The following MACF1 variants were observed in gnomAD, a reference collection of about 807,000 sequenced individuals.
MACF1 encodes the protein microtubule actin crosslinking factor 1.
Under a neutral mutation model 854.8 loss-of-function variants are expected in MACF1, and 193 were observed. The observed-to-expected ratio is 0.23, with a 90% CI of 0.20 to 0.25. The LOEUF (loss-of-function observed/expected upper bound fraction) is 0.25. MACF1 is among the 10% of genes least tolerant of loss of function. MACF1 has a pLI of 1.00. For missense variants in MACF1, 7,722 were observed against 8,929.1 expected, an observed-to-expected ratio of 0.86 and a Z score of 5.45; for synonymous variants, 3,185 against 3,226.7, an observed-to-expected ratio of 0.99 and a Z score of 0.44.
At chr1:39,450,436 G>A (rs1032054526) in intron 84 of MACF1, among the ~76,000 whole-genome samples, 10 of 151,928 alleles carry the variant, frequency 6.6e-5, no homozygotes, top group African/African-American at 2.4e-4. Context: ...ACTTAGAGTG[G>A]TATATGAGGT....
At chr1:39,478,488 T>C (rs1644953173) in intron 97 of MACF1, among the ~76,000 whole-genome samples, 1 of 152,166 alleles carries the variant, frequency 6.6e-6, no homozygotes, top group Non-Finnish European at 1.5e-5. Context: ...AAAATCACAG[T>C]TGGCAGCAGA....
chr1:39,443,581 G>A lies in MACF1; in HGVS notation c.19431+7G>A. 1.3e-6 allele frequency: 2 copies of A among 1,586,266 alleles called. No individual in the cohort carries two copies. Among genetic ancestry groups the A allele is most frequent in the Non-Finnish European group, 1.7e-6 (2 of 1,171,214 alleles). The stretch of plus-strand genomic sequence containing the variant: ...ACAGCTTGATACACATATGGTAATA[G>A]CAATTTTTTGAAATTGAGCATAAGC... On this transcript the variant is annotated splice_region_variant and intron_variant, in intron 79 of 100. Transcript: ENST00000564288.
chr1:39,249,389 A>G (rs1645015265), intron 2 of MACF1, among the ~76,000 whole-genome samples: 1 of 152,182 alleles, frequency 6.6e-6, no homozygotes, highest in African/African-American at 2.4e-5. Context: ...CTTACCTTAG[A>G]GATGTGAGAG....
At chr1:39,411,707 C>T in intron 58 of MACF1, 1 of 1,613,856 alleles carries the variant, frequency 6.2e-7, no homozygotes. Context: ...GAAGGAGTAA[C>T]TCCTCTAGTT....
At chr1:39,250,909 T>A (rs554268703) in intron 3 of MACF1, among the ~76,000 whole-genome samples, 2 of 152,204 alleles carry the variant, frequency 1.3e-5, no homozygotes, top group Non-Finnish European at 1.5e-5. Flanking sequence ...TCATACTCTT[T>A]CTCTCATGCC....
intron 2 of MACF1, among the ~76,000 whole-genome samples, chr1:39,110,853 A>G (rs1027772449): frequency 6.6e-6 from 1 of 152,184 alleles, no homozygotes; most frequent in African/African-American, 2.4e-5. Flanking sequence ...TGCCAATTCC[A>G]GGTTTAAGAG....
chr1:39,436,451 A>ATTGTTGTG (rs1643977385), intron 70 of MACF1: 2 of 1,613,328 alleles, frequency 1.2e-6, no homozygotes, highest in Non-Finnish European at 1.7e-6. Context: ...GTCACATTTC[A>ATTGTTGTG]TTGTTGTGTT....
rs1308448739 is a variant in MACF1 at position 39,154,595 on chromosome 1, C to T, written c.220+70157C>T. On this transcript the variant is annotated intron_variant, in intron 2 of 93. Transcript: ENST00000361689. Reference sequence around the variant, plus strand: ...ACTATGGGAACTCTAAGATATGATTCGTTCTCGCCTCATTGGTCTAGATCT... The same window carrying T: ...ACTATGGGAACTCTAAGATATGATTTGTTCTCGCCTCATTGGTCTAGATCT... 7.2e-5 allele frequency among the ~76,000 whole-genome samples: 11 copies of T among 152,118 alleles called. No homozygotes were observed. In the East Asian group the frequency reaches 1.2e-3, roughly 16 times the overall value.
intron 2 of MACF1, among the ~76,000 whole-genome samples, chr1:39,167,873 CAAA>C (rs770717347): frequency 5.1e-5 from 2 of 39,146 alleles, no homozygotes; most frequent in African/African-American, 2.3e-4. Flanking sequence ...GACTCCGTCT[CAAA>C]AAAAAAAAAA....
At chr1:39,137,768 C>A (rs1643216424) in intron 2 of MACF1, among the ~76,000 whole-genome samples, 1 of 151,946 alleles carries the variant, frequency 6.6e-6, no homozygotes. Flanking sequence ...TATGAACATA[C>A]AAAACTTAAA....
At chr1:39,410,337 G>C in intron 58 of MACF1, 1 of 1,613,696 alleles carries the variant, frequency 6.2e-7, no homozygotes, top group Non-Finnish European at 8.5e-7. Context: ...GAGAGGAGGA[G>C]GATGGCTACA....
At chr1:39,230,255 T>G (rs568920445) in intron 1 of MACF1, among the ~76,000 whole-genome samples, 1 of 152,158 alleles carries the variant, frequency 6.6e-6, no homozygotes, top group South Asian at 2.1e-4. Context: ...TGGAGCCAAG[T>G]AGGCACAGAT....
intron 26 of MACF1, 62 bp from the exon 27 acceptor site, chr1:39,315,450 AC>A: frequency 1.3e-6 from 2 of 1,495,184 alleles, no homozygotes; most frequent in Non-Finnish European, 1.8e-6. Context: ...ACAAATGTGG[AC>A]TTCTTTCTAC....
At position 39,105,514 on chromosome 1, in the gene MACF1, C is replaced by T. The variant is rs1313608947; in HGVS notation, c.220+21076C>T. ...GGACGGCGGAGAGCGAGGGCGCCGT[C>T]GCCGTCTCTGAGACGCACAAAGGGT... On this transcript the variant is annotated intron_variant, in intron 2 of 93. Coordinates refer to the MACF1 transcript ENST00000361689. This position sits in a 1 kb window ranked among gnomAD's most constrained non-coding sequence, Gnocchi z 5.9. The T allele has an allele frequency of 2.0e-6, 2 of 1,015,610 alleles. No individual in the cohort carries two copies. The highest frequency in any genetic ancestry group is 2.4e-6 in the Non-Finnish European group (2 of 850,548). The allele number at this position is 1,015,610 out of a possible 1,614,324, so 62.9% of individuals were successfully genotyped here.
At chr1:39,174,586 C>T (rs761042101) in intron 2 of MACF1, among the ~76,000 whole-genome samples, 6 of 152,106 alleles carry the variant, frequency 3.9e-5, no homozygotes, top group Non-Finnish European at 7.3e-5. Flanking sequence ...GTGGACGCAT[C>T]ATAGAGGCTC....
rs746745243 is a variant in MACF1, at chr1:39,287,326, G to A, written c.1549G>A (p.Glu517Lys). ...LQDELVTLRL[E>K]CTNLYRKGHF... Reference sequence around the variant, plus strand: ...GGATGAGCTGGTCACCTTGCGTCTAGAGTGTACAAACCTGTACCGGAAGGG... The same window carrying A: ...GGATGAGCTGGTCACCTTGCGTCTAAAGTGTACAAACCTGTACCGGAAGGG... Residue 517 changes from glutamate to lysine, a missense_variant, in exon 15 of 101, where the codon GAG (glutamate) becomes AAG (lysine). Physicochemically the swap from Glu to Lys is moderately conservative, Grantham distance 56. Coordinates refer to ENST00000564288, the MANE Select transcript of MACF1 (RefSeq NM_001394062.1). 8 of 1,614,042 alleles carry A rather than the reference G, an allele frequency of 5.0e-6. No homozygotes were observed. The highest frequency in any genetic ancestry group is 6.8e-6 in the Non-Finnish European group (8 of 1,180,046).
At chr1:39,185,306 CAAA>C (rs1644153838) in intron 2 of MACF1, among the ~76,000 whole-genome samples, 4 of 136,630 alleles carry the variant, frequency 2.9e-5, no homozygotes, top group Middle Eastern at 3.4e-3. Context: ...AAAAAAAAAA[CAAA>C]AAAGGAAAAA....
chr1:39,387,138 A>G, intron 57 of MACF1, 49 bp from the exon 58 acceptor site: 2 of 1,576,110 alleles, frequency 1.3e-6, no homozygotes, highest in Non-Finnish European at 1.7e-6. Flanking sequence ...AACATTTTAA[A>G]TGCCAGGGTT....
chr1:39,430,717 G>C lies in MACF1; in HGVS notation c.17146G>C (p.Val5716Leu). 6.2e-7 allele frequency: 1 copy of C among 1,612,050 alleles called. No homozygotes were observed. Among genetic ancestry groups the C allele is most frequent in the Non-Finnish European group, 8.5e-7 (1 of 1,179,906 alleles). ...CCCTCCTTAGGAATTAAAGAAGGAGGTCATGGAGCACAGGCTGGTGTTGGA... is the reference window on the plus strand; with the variant it reads ...CCCTCCTTAGGAATTAAAGAAGGAGCTCATGGAGCACAGGCTGGTGTTGGA... Reference protein sequence around the residue: ...QQRQKELKKEVMEHRLVLDTV... With the variant: ...QQRQKELKKELMEHRLVLDTV... Residue 5716 changes from valine to leucine, a missense_variant, in exon 66 of 101, where the codon GTC (valine) becomes CTC (leucine). Physicochemically the swap from Val to Leu is conservative, Grantham distance 32. Transcript: ENST00000564288.
Sources: allele counts gnomAD v4.1 joint callset (sites outside exome capture counted in the v4.1 genomes callset), GRCh38; gene constraint gnomAD v4.1.1; non-coding constraint Gnocchi (gnomAD v3.1); transcripts MANE v1.5; gene names NCBI Gene and HGNC (gene_info 2026-07-23, HGNC 2026-07-21).